The following PRDM15 variants were observed in gnomAD, a reference collection of about 807,000 sequenced individuals.
PRDM15 encodes PR domain zinc finger protein 15.
A neutral mutation model predicts 128.6 loss-of-function variants in PRDM15; 64 were observed. That is an observed-to-expected ratio of 0.50 (90% CI 0.41 to 0.61). PRDM15 has a LOEUF of 0.61. PRDM15 is among the 20% of genes least tolerant of loss of function. The pLI is 0.00. For missense variants in PRDM15, 1,242 were observed against 1,569.1 expected (o/e 0.79, Z 3.52); for synonymous variants, 615 against 621.8 (o/e 0.99, Z 0.16).
chr21:41,839,111 C>T (rs767003599), intron 7 of PRDM15, among the ~76,000 whole-genome samples: 2 of 152,192 alleles, frequency 1.3e-5, no homozygotes, highest in African/African-American at 2.4e-5. Flanking sequence ...GGATACTGCA[C>T]AATCAAAGGA....
chr21:41,862,823 A>G lies in PRDM15; in HGVS notation c.-9-2451T>C, dbSNP rs2063865563. Among the ~76,000 whole-genome samples the G allele has an allele frequency of 6.6e-6, 1 of 152,146 alleles. No homozygotes were observed. Among genetic ancestry groups the G allele is most frequent in the Non-Finnish European group, 1.5e-5 (1 of 68,020 alleles). ...TAAGGCACACAAGACATCCCAGAAC[A>G]AGGCACACAGGAAGTACTGTTTCAG... On this transcript the variant is annotated intron_variant, in intron 1 of 23. Coordinates refer to ENST00000398548, the MANE Select transcript of PRDM15 (RefSeq NM_001040424.3). The surrounding 1 kb of genome is among the most constrained non-coding windows in gnomAD (Gnocchi z 4.1).
chr21:41,804,218 C>A (rs568639288), intron 22 of PRDM15, among the ~76,000 whole-genome samples: 3 of 152,194 alleles, frequency 2.0e-5, no homozygotes, highest in African/African-American at 4.8e-5. Context: ...CCCGCCTTGG[C>A]CTCCCAAATT....
At position 41,832,042 on chromosome 21, in the gene PRDM15, GGTATGT is replaced by G. The variant is rs2062711241; in HGVS notation, c.1366+3389_1366+3394del. ...TCTGTCCGGATCCACACGACCGCAT[GGTATGT>G]GTCCTTCACACACTGCGTCTGAGGC... On this transcript the variant is annotated intron_variant, in intron 11 of 23. Coordinates refer to ENST00000398548, the MANE Select transcript of PRDM15 (RefSeq NM_001040424.3). The surrounding 1 kb of genome is among the most constrained non-coding windows in gnomAD (Gnocchi z 4.2). 6.6e-6 allele frequency among the ~76,000 whole-genome samples: 1 copy of G among 152,190 alleles called. No individual in the cohort carries two copies. The highest frequency in any genetic ancestry group is 6.5e-5 in the Admixed American group (1 of 15,286).
chr21:41,874,525 A>ATATATATATATATTTTTTT, intron 1 of PRDM15, among the ~76,000 whole-genome samples: 16 of 95,812 alleles, frequency 1.7e-4, no homozygotes, highest in Non-Finnish European at 2.0e-4. Flanking sequence ...ATATATATAT[A>ATATATATATATATTTTTTT]TTTTTTTTTT....
At chr21:41,876,267 T>G (rs991683152) in intron 1 of PRDM15, among the ~76,000 whole-genome samples, 2 of 152,156 alleles carry the variant, frequency 1.3e-5, no homozygotes, top group African/African-American at 4.8e-5. Context: ...AGAAAGAGCT[T>G]TTTTCCCCTA....
chr21:41,854,658 G>A lies in PRDM15; in HGVS notation c.446C>T (p.Pro149Leu). The change falls in exon 5 of 24, where the codon CCC (proline) becomes CTC (leucine). Residue 149 changes from proline to leucine, a missense_variant. This residue lies in a region of PRDM15 where 612 missense variants were observed against 717.0 expected (regional missense o/e 0.85). Transcript: ENST00000398548. The surrounding 1 kb of genome is among the most constrained non-coding windows in gnomAD (Gnocchi z 4.6). ...DVYFTTSRDIPPGTELRVWYA... is the reference protein window; with the variant it reads ...DVYFTTSRDILPGTELRVWYA... ...CCACACGCGCAGCTCGGTACCCGGGGGGATGTCTCTGGAGGTGGTGAAGTA... is the reference window on the plus strand; with the variant it reads ...CCACACGCGCAGCTCGGTACCCGGGAGGATGTCTCTGGAGGTGGTGAAGTA... 6.2e-7 allele frequency: 1 copy of A among 1,613,812 alleles called. No individual in the cohort carries two copies. Among genetic ancestry groups the A allele is most frequent in the Non-Finnish European group, 8.5e-7 (1 of 1,179,996 alleles).
chr21:41,857,684 C>T (rs7281687), intron 3 of PRDM15, among the ~76,000 whole-genome samples: 43,867 of 152,034 alleles, frequency 0.29, 6,525 homozygotes, highest in South Asian at 0.32. Context: ...TGGCTGAACC[C>T]GGGAGTTTGA....
In PRDM15 at chr21:41,801,480, C is replaced by G. The variant is rs960518024; in HGVS notation, c.3186G>C (p.Gln1062His). The G allele has an allele frequency of 4.3e-5, 70 of 1,614,058 alleles. No homozygotes were observed. Among genetic ancestry groups the G allele is most frequent in the Non-Finnish European group, 5.8e-5 (68 of 1,180,038 alleles). ...AMLHNRQNDV[Q>H]IHPQPEASNP... ...TCGAGGCTTCCGGCTGGGGGTGGAT[C>G]TGGACGTCATTTTGGCGGTTGTGCA... is the stretch of plus-strand genomic sequence containing the variant. The change falls in exon 24 of 24, where the codon CAG becomes CAC. Residue 1062 changes from glutamine to histidine, a missense_variant. Transcript: ENST00000398548.
In PRDM15 at chr21:41,815,755, C is replaced by A. The variant is rs139826829; in HGVS notation, c.2342G>T (p.Arg781Leu). 8 of 1,613,966 alleles carry A rather than the reference C, an allele frequency of 5.0e-6. No individual in the cohort carries two copies. Among genetic ancestry groups the A allele is most frequent in the Non-Finnish European group, 6.8e-6 (8 of 1,179,970 alleles). ...IKEYECKECH[R>L]RFAQKVNMLK... The stretch of plus-strand genomic sequence containing the variant: ...CATGTTGACCTTCTGCGCGAACCTG[C>A]GGTGGCACTCCTTGCACTCGTACTC... Residue 781 changes from arginine (R) to leucine (L), a missense_variant, in exon 19 of 24, where the codon CGC becomes CTC. Physicochemically the swap from Arg to Leu is moderately radical, Grantham distance 102. Coordinates refer to ENST00000398548, the MANE Select transcript of PRDM15 (RefSeq NM_001040424.3).
chr21:41,821,395 G>A lies in PRDM15; in HGVS notation c.1897-165C>T, dbSNP rs369648985. On this transcript the variant is annotated intron_variant, in intron 15 of 23. Coordinates refer to ENST00000398548, the MANE Select transcript of PRDM15 (RefSeq NM_001040424.3). The surrounding 1 kb of genome is among the most constrained non-coding windows in gnomAD (Gnocchi z 5.4). The stretch of plus-strand genomic sequence containing the variant: ...CAGAGGCTTGATGGGGAACTTTTCC[G>A]AAGCCATAAGGCCTCATGCCCAAAA... Among the ~76,000 whole-genome samples the A allele has an allele frequency of 5.3e-5, 8 of 152,184 alleles. No homozygotes were observed. Among genetic ancestry groups the A allele is most frequent in the Admixed American group, 4.6e-4 (7 of 15,284 alleles).
At chr21:41,803,304 C>A (rs1358612934) in intron 22 of PRDM15, among the ~76,000 whole-genome samples, 1 of 152,196 alleles carries the variant, frequency 6.6e-6, no homozygotes, top group East Asian at 1.9e-4. Flanking sequence ...TTCCCCAGGG[C>A]TGAGACGAAT....
chr21:41,809,234 C>CT (rs71332340), intron 21 of PRDM15, among the ~76,000 whole-genome samples: 55,839 of 135,654 alleles, frequency 0.41, 11,779 homozygotes, highest in East Asian at 0.45. Context: ...CAAATTTTTT[C>CT]TTTTTTTTTT....
intron 6 of PRDM15, among the ~76,000 whole-genome samples, chr21:41,843,119 G>GTTTA (rs917659330): frequency 6.6e-6 from 1 of 151,690 alleles, no homozygotes; most frequent in Non-Finnish European, 1.5e-5. Flanking sequence ...TTTTTTGTTT[G>GTTTA]TTTGTTTGTT....
At chr21:41,816,414 G>A (rs2062054100) in intron 18 of PRDM15, among the ~76,000 whole-genome samples, 1 of 152,230 alleles carries the variant, frequency 6.6e-6, no homozygotes, top group South Asian at 2.1e-4. Context: ...GCACAGGCAT[G>A]TGCGGCTTGG....
intron 6 of PRDM15, among the ~76,000 whole-genome samples, chr21:41,844,533 C>A (rs1390028802): frequency 9.2e-5 from 3 of 32,744 alleles, no homozygotes; most frequent in Admixed American, 2.1e-4. Context: ...CCCCTCCCCC[C>A]TCACAGGGAC....
At chr21:41,836,436 C>CT in intron 9 of PRDM15, 32 bp downstream of exon 9, 1 of 1,588,378 alleles carries the variant, frequency 6.3e-7, no homozygotes, top group Non-Finnish European at 8.6e-7. Context: ...CTGGCCCTGG[C>CT]CCCGGGCGCC....
intron 5 of PRDM15, among the ~76,000 whole-genome samples, chr21:41,852,252 G>A (rs1461555322): frequency 2.0e-5 from 3 of 152,268 alleles, no homozygotes; most frequent in Non-Finnish European, 2.9e-5. Context: ...TGACAAGGGG[G>A]TAAACGGCCA....
Position 41,862,294 on chromosome 21 carries a change from G to A in PRDM15, c.-9-1922C>T, listed in dbSNP as rs1318569299. On this transcript the variant is annotated intron_variant, in intron 1 of 23. Coordinates refer to ENST00000398548, the MANE Select transcript of PRDM15 (RefSeq NM_001040424.3). The surrounding 1 kb of genome is among the most constrained non-coding windows in gnomAD (Gnocchi z 4.1). The stretch of plus-strand genomic sequence containing the variant: ...CCGCAGAACACAGAGTCCCAACAAA[G>A]GTATTGGAATCGGAGTGGGAGGATG... Among the ~76,000 whole-genome samples the A allele has an allele frequency of 6.6e-6, 1 of 152,182 alleles. No individual in the cohort carries two copies. The highest frequency in any genetic ancestry group is 1.5e-5 in the Non-Finnish European group (1 of 68,030).
At chr21:41,867,003 T>G (rs1466943034) in intron 1 of PRDM15, among the ~76,000 whole-genome samples, 1 of 152,178 alleles carries the variant, frequency 6.6e-6, no homozygotes, top group Non-Finnish European at 1.5e-5. Flanking sequence ...TGTTACCAGA[T>G]GGGTGGATGG....
Sources: gnomAD v4.1 joint callset for allele counts (sites outside exome capture counted in the v4.1 genomes callset) on GRCh38, gnomAD v4.1.1 for gene constraint, gnomAD v4.1.1 regional missense constraint, Gnocchi (gnomAD v3.1) non-coding constraint, MANE v1.5 for transcripts, NCBI Gene and HGNC (gene_info 2026-07-23, HGNC 2026-07-21) for gene names.